Variants in LRP1B observed in about 807,000 individuals in gnomAD.
The protein encoded by LRP1B is LDL receptor related protein 1B.
Under a neutral mutation model 556.6 loss-of-function variants are expected in LRP1B, and 217 were observed. The ratio of observed to expected loss-of-function variants is 0.39; its 90% CI spans 0.35 to 0.44. LRP1B has a LOEUF of 0.44. LRP1B is among the 20% of genes least tolerant of loss of function. The pLI is 1.00. For synonymous variants in LRP1B, 2,047 were observed against 1,865.8 expected (o/e 1.10, Z -2.50); for missense variants, 5,053 against 5,620.8 (o/e 0.90, Z 3.23).
rs1559116498 is a variant in LRP1B at position 141,517,025 on chromosome 2, A to AC, written c.206-36493_206-36492insG. Among the ~76,000 whole-genome samples the AC allele has an allele frequency of 2.0e-3, 272 of 135,830 alleles. 31 individuals carry two copies. Among genetic ancestry groups the AC allele is most frequent in the South Asian group, 5.5e-3 (22 of 4,026 alleles). The allele number at this position is 135,830 out of a possible 152,430, so 89.1% of individuals were successfully genotyped here. On this transcript the variant is annotated intron_variant, in intron 2 of 90. Transcript: ENST00000389484. Reference sequence around the variant, plus strand: ...CTCTTAAAAAAAAAAAAAAAAAAAAAAAAAAAAGTAAATCAATGAAATAAT... The same window carrying AC: ...CTCTTAAAAAAAAAAAAAAAAAAAAACAAAAAAAGTAAATCAATGAAATAAT...
intron 3 of LRP1B, among the ~76,000 whole-genome samples, chr2:141,265,868 C>T (rs905042976): frequency 3.3e-5 from 5 of 152,162 alleles, no homozygotes; most frequent in African/African-American, 1.2e-4. Flanking sequence ...AATATTTGTG[C>T]TCTCCCTTGC....
rs1050881704 is a variant in LRP1B, at chr2:141,015,567, C to A, written c.2190+129G>T. ...TTAATGCTCAGCCTGCTTCAGCCACCCCATGGAGACTATTGGCAGCCACCT... is the reference window on the plus strand; with the variant it reads ...TTAATGCTCAGCCTGCTTCAGCCACACCATGGAGACTATTGGCAGCCACCT... On this transcript the variant is annotated intron_variant, in intron 13 of 90. Coordinates refer to ENST00000389484, the MANE Select transcript of LRP1B (RefSeq NM_018557.3). 1.1e-5 allele frequency: 8 copies of A among 730,178 alleles called. No homozygotes were observed. In the African/African-American group the frequency reaches 1.2e-4, roughly 11 times the overall value. The allele number at this position is 730,178 out of a possible 1,614,324, so 45.2% of individuals were successfully genotyped here.
intron 3 of LRP1B, among the ~76,000 whole-genome samples, chr2:141,399,141 A>C (rs1339416212): frequency 3.3e-5 from 5 of 152,084 alleles, no homozygotes; most frequent in Non-Finnish European, 7.4e-5. Flanking sequence ...CTGTAATCCC[A>C]GCTACTCAAG....
intron 3 of LRP1B, among the ~76,000 whole-genome samples, chr2:141,432,868 T>TTCATGTATTTGCTCC (rs1680612523): frequency 1.3e-5 from 2 of 152,052 alleles, no homozygotes; most frequent in African/African-American, 4.8e-5. Flanking sequence ...TTTGCTCCAT[T>TTCATGTATTTGCTCC]GATCTTCTCT....
At chr2:141,009,807 C>T (rs1697689572) in intron 14 of LRP1B, among the ~76,000 whole-genome samples, 2 of 151,918 alleles carry the variant, frequency 1.3e-5, no homozygotes. Flanking sequence ...AAAAGATTCA[C>T]ATTCTTTTTC....
In LRP1B at chr2:141,591,540, C is replaced by T. The variant is rs149000606; in HGVS notation, c.206-111007G>A. ...AACATATTTTAATTGAAGTTTTCCT[C>T]GGGCAGAAAATTGTAAGATCACTGA... is the stretch of plus-strand genomic sequence containing the variant. On this transcript the variant is annotated intron_variant, in intron 2 of 90. Coordinates refer to ENST00000389484, the MANE Select transcript of LRP1B (RefSeq NM_018557.3). Among the ~76,000 whole-genome samples the T allele has an allele frequency of 3.8e-4, 57 of 151,686 alleles. No individual in the cohort carries two copies. In the East Asian group the frequency reaches 7.2e-3, roughly 19 times the overall value.
At chr2:140,401,396 T>C (rs1055662528) in intron 66 of LRP1B, among the ~76,000 whole-genome samples, 3 of 152,182 alleles carry the variant, frequency 2.0e-5, no homozygotes, top group Admixed American at 1.3e-4. Flanking sequence ...CTGCCTGCTA[T>C]TCCCCATTCC....
At chr2:141,753,893 C>T (rs1694227014) in intron 2 of LRP1B, among the ~76,000 whole-genome samples, 1 of 151,936 alleles carries the variant, frequency 6.6e-6, no homozygotes, top group South Asian at 2.1e-4. Flanking sequence ...GTACCGTGTC[C>T]AGCTCATTTA....
intron 2 of LRP1B, among the ~76,000 whole-genome samples, chr2:141,630,983 A>G (rs1176190523): frequency 6.6e-6 from 1 of 152,044 alleles, no homozygotes; most frequent in East Asian, 1.9e-4. Context: ...ATCATCTCCT[A>G]TTGCATTAGT....
At chr2:140,951,983 A>G in intron 18 of LRP1B, 43 bp from the exon 19 acceptor site, 1 of 1,312,826 alleles carries the variant, frequency 7.6e-7, no homozygotes, top group African/African-American at 1.4e-5. Context: ...CATGTTATTG[A>G]CTGTGCATGA....
intron 82 of LRP1B, among the ~76,000 whole-genome samples, chr2:140,317,406 T>C (rs1684570787): frequency 6.6e-6 from 1 of 151,944 alleles, no homozygotes; most frequent in African/African-American, 2.4e-5. Context: ...CACAGCAGTG[T>C]TATGTAAAGA....
At chr2:140,904,237 A>C (rs955705472) in intron 22 of LRP1B, among the ~76,000 whole-genome samples, 1 of 152,134 alleles carries the variant, frequency 6.6e-6, no homozygotes, top group African/African-American at 2.4e-5. Context: ...ACATGCTTAC[A>C]ACCTTGAAGA....
intron 31 of LRP1B, among the ~76,000 whole-genome samples, chr2:140,837,465 C>A (rs1691944565): frequency 6.6e-6 from 1 of 152,050 alleles, no homozygotes; most frequent in South Asian, 2.1e-4. Context: ...GTCAGTTATG[C>A]TAAAATAGTA....
chr2:141,273,212 G>A (rs1251119310), intron 3 of LRP1B, among the ~76,000 whole-genome samples: 1 of 151,952 alleles, frequency 6.6e-6, no homozygotes, highest in East Asian at 1.9e-4. Context: ...GGGAGGCTGA[G>A]GCAAAATAAT....
intron 62 of LRP1B, among the ~76,000 whole-genome samples, chr2:140,454,453 T>C (rs1480249553): frequency 6.6e-6 from 1 of 152,094 alleles, no homozygotes; most frequent in Admixed American, 6.6e-5. Context: ...GCCTGGGCAA[T>C]TAACTTTTTC....
intron 29 of LRP1B, among the ~76,000 whole-genome samples, chr2:140,847,745 A>G (rs2105111688): frequency 7.0e-6 from 1 of 142,878 alleles, no homozygotes; most frequent in African/African-American, 2.6e-5. Flanking sequence ...CCAGCCTGGG[A>G]CAGAGTGAGA....
At chr2:140,859,247 C>A (rs890544291) in intron 27 of LRP1B, among the ~76,000 whole-genome samples, 4 of 151,658 alleles carry the variant, frequency 2.6e-5, no homozygotes, top group African/African-American at 9.7e-5. Flanking sequence ...AAAAAAAAAA[C>A]CTTTTATTAA....
intron 2 of LRP1B, among the ~76,000 whole-genome samples, chr2:141,674,185 A>G (rs906557948): frequency 1.3e-5 from 2 of 152,114 alleles, no homozygotes; most frequent in African/African-American, 2.4e-5. Context: ...AAAATATACA[A>G]TGTTTTAAAA....
At chr2:141,546,941 T>A (rs1192510814) in intron 2 of LRP1B, among the ~76,000 whole-genome samples, 1 of 152,172 alleles carries the variant, frequency 6.6e-6, no homozygotes, top group African/African-American at 2.4e-5. Flanking sequence ...GGGTTGTAGA[T>A]CCTGCTTTCT....
Sources: allele counts gnomAD v4.1 joint callset (sites outside exome capture counted in the v4.1 genomes callset), GRCh38; gene constraint gnomAD v4.1.1; transcripts MANE v1.5; gene names NCBI Gene and HGNC (gene_info 2026-07-23, HGNC 2026-07-21).